The following CCDC138 variants were observed in gnomAD, a reference collection of about 807,000 sequenced individuals.
The protein encoded by CCDC138 is coiled-coil domain containing 138, also known as coiled-coil domain-containing protein 138.
In CCDC138, 66 loss-of-function variants were observed where a neutral mutation model predicts 82.3. That is an observed-to-expected ratio of 0.80 (90% CI 0.66 to 0.98). The LOEUF is 0.98. CCDC138 is among the 50% of genes least tolerant of loss of function. The probability of loss-of-function intolerance (pLI) is 0.00; values close to 1 mark genes in which losing one functional copy is unlikely to be tolerated. For synonymous variants in CCDC138, 297 were observed against 265.4 expected, an observed-to-expected ratio of 1.12 and a Z score of -1.16; for missense variants, 816 against 758.9, an observed-to-expected ratio of 1.08 and a Z score of -0.88.
intron 10 of CCDC138, among the ~76,000 whole-genome samples, chr2:108,820,643 A>C (rs890370536): frequency 1.3e-5 from 2 of 149,992 alleles, no homozygotes. Context: ...ATTTCAGCAG[A>C]TTTCTCAGCA....
intron 1 of CCDC138, 30 bp downstream of exon 1, chr2:108,786,945 G>C (rs752556858): frequency 1.5e-5 from 22 of 1,443,492 alleles, no homozygotes; most frequent in South Asian, 2.7e-5. Flanking sequence ...TCCGCGGGTG[G>C]GCTCCTGCTG....
rs571342188 is a variant in CCDC138, at chr2:108,822,182, A to G, written c.1206+6077A>G. On this transcript the variant is annotated intron_variant, in intron 10 of 14. Transcript: ENST00000295124. ...GTAATACTAATATAAGACAAAATAT[A>G]CTTTACGTCAAAAACTGTTACAAGA... Among the ~76,000 whole-genome samples the G allele has an allele frequency of 7.2e-5, 11 of 152,282 alleles. 2 individuals are homozygous for G. The highest frequency in any genetic ancestry group is 2.6e-4 in the African/African-American group (11 of 41,556).
intron 11 of CCDC138, among the ~76,000 whole-genome samples, chr2:108,842,758 A>G (rs1485385921): frequency 6.6e-6 from 1 of 152,212 alleles, no homozygotes; most frequent in East Asian, 1.9e-4. Flanking sequence ...GTTAAAAGTG[A>G]CTGATCCCTG....
At chr2:108,848,718 GGC>G (rs1474080020) in intron 12 of CCDC138, among the ~76,000 whole-genome samples, 1 of 152,098 alleles carries the variant, frequency 6.6e-6, no homozygotes, top group African/African-American at 2.4e-5. Context: ...CTGGGGCAGA[GGC>G]TTAGCCAACT....
intron 2 of CCDC138, 167 bp from the exon 3 acceptor site, chr2:108,788,685 A>C (rs1348956102): frequency 4.3e-5 from 21 of 484,572 alleles, no homozygotes; most frequent in Non-Finnish European, 5.6e-5. Context: ...GCGCCACTGC[A>C]CTCCAGCCTG....
chr2:108,881,155 G>A (rs1696280950), downstream of CCDC138, among the ~76,000 whole-genome samples: 3 of 152,224 alleles, frequency 2.0e-5, no homozygotes, highest in South Asian at 2.1e-4. Context: ...CTGTTGTGTA[G>A]TGTAGCCACT....
intron 1 of CCDC138, among the ~76,000 whole-genome samples, chr2:108,787,233 A>C (rs1024747727): frequency 3.3e-5 from 5 of 152,248 alleles, no homozygotes; most frequent in Non-Finnish European, 7.3e-5. Flanking sequence ...TGCTTTTTAA[A>C]AGCGGCTTAT....
intron 10 of CCDC138, among the ~76,000 whole-genome samples, chr2:108,822,813 G>A (rs1685935550): frequency 1.3e-5 from 2 of 152,154 alleles, no homozygotes; most frequent in African/African-American, 4.8e-5. Flanking sequence ...AGCTGTAGAT[G>A]CTTACATTAA....
At chr2:108,879,568 C>G (rs1696232045), downstream of CCDC138, among the ~76,000 whole-genome samples, 1 of 152,094 alleles carries the variant, frequency 6.6e-6, no homozygotes, top group Non-Finnish European at 1.5e-5. Flanking sequence ...AACATACATT[C>G]CAGAAATACA....
At chr2:108,797,035 G>A (rs149920538) in intron 5 of CCDC138, among the ~76,000 whole-genome samples, 2 of 152,316 alleles carry the variant, frequency 1.3e-5, no homozygotes, top group East Asian at 3.9e-4. Context: ...ACCTTGGTGA[G>A]GATGTTAAGT....
chr2:108,835,633 T>C (rs1688449923), intron 10 of CCDC138, among the ~76,000 whole-genome samples: 1 of 152,246 alleles, frequency 6.6e-6, no homozygotes, highest in Non-Finnish European at 1.5e-5. Flanking sequence ...TCCACCCATA[T>C]AATTTCTCAA....
At chr2:108,881,149 T>A (rs1209550837), downstream of CCDC138, among the ~76,000 whole-genome samples, 1 of 152,222 alleles carries the variant, frequency 6.6e-6, no homozygotes, top group African/African-American at 2.4e-5. Flanking sequence ...GAAAATCTGT[T>A]GTGTAGTGTA....
At chr2:108,836,010 C>T (rs537809466) in intron 10 of CCDC138, among the ~76,000 whole-genome samples, 1 of 152,116 alleles carries the variant, frequency 6.6e-6, no homozygotes, top group Non-Finnish European at 1.5e-5. Context: ...ATTATAATGC[C>T]GTTAATCCAT....
rs1467468654 is a variant in CCDC138 at position 108,856,774 on chromosome 2, T to G, written c.1517-20T>G. On this transcript the variant is annotated intron_variant, in intron 12 of 14. Transcript: ENST00000295124. ...CTAGACTAGCAAAACTGCAGTTGAT[T>G]GTACATAACTATTTTCCAGCTGATT... 12 of 1,602,062 alleles carry G rather than the reference T, an allele frequency of 7.5e-6. No homozygotes were observed. The highest frequency in any genetic ancestry group is 2.3e-5 in the East Asian group (1 of 44,074).
chr2:108,817,819 A>G (rs572139959), intron 10 of CCDC138, among the ~76,000 whole-genome samples: 50 of 152,260 alleles, frequency 3.3e-4, no homozygotes, highest in African/African-American at 1.2e-3. Context: ...TAAAATAATG[A>G]ATTTGTGTTG....
At chr2:108,788,374 G>GGC (rs1359488849) in intron 2 of CCDC138, among the ~76,000 whole-genome samples, 3 of 143,200 alleles carry the variant, frequency 2.1e-5, no homozygotes, top group African/African-American at 7.8e-5. Flanking sequence ...GAGCCGAGAT[G>GGC]GCGCCACTAC....
intron 13 of CCDC138, among the ~76,000 whole-genome samples, chr2:108,870,669 C>A (rs932106232): frequency 2.0e-5 from 3 of 152,182 alleles, no homozygotes; most frequent in African/African-American, 4.8e-5. Flanking sequence ...AGTTCTGATA[C>A]ATGCTACAGA....
At chr2:108,818,864 G>T (rs1214257844) in intron 10 of CCDC138, among the ~76,000 whole-genome samples, 1 of 150,916 alleles carries the variant, frequency 6.6e-6, no homozygotes, top group African/African-American at 2.4e-5. Context: ...ATTTACTTAA[G>T]GATGGATTTA....
chr2:108,878,926 A>C (rs1696199073), downstream of CCDC138, among the ~76,000 whole-genome samples: 1 of 152,248 alleles, frequency 6.6e-6, no homozygotes, highest in Non-Finnish European at 1.5e-5. Flanking sequence ...CAAAACACTG[A>C]AAAAGAAATG....
Sources: allele counts gnomAD v4.1 joint callset (sites outside exome capture counted in the v4.1 genomes callset), GRCh38; gene constraint gnomAD v4.1.1; transcripts MANE v1.5; gene names NCBI Gene and HGNC (gene_info 2026-07-23, HGNC 2026-07-21).